Variants in FHIT observed in about 807,000 individuals in gnomAD.
The protein encoded by FHIT is fragile histidine triad diadenosine triphosphatase, also known as bis(5'-adenosyl)-triphosphatase.
Under a neutral mutation model 17.9 loss-of-function variants are expected in FHIT, and 19 were observed. That is an observed-to-expected ratio of 1.06 (90% CI 0.74 to 1.56). The LOEUF is 1.56. Ranked by LOEUF, FHIT falls within the 40% of genes most tolerant of loss-of-function variation. The pLI, the probability that FHIT is intolerant of heterozygous loss-of-function variation, is 0.00. For missense variants in FHIT, 248 were observed against 189.2 expected (o/e 1.31, Z -1.82); for synonymous variants, 81 against 69.7 (o/e 1.16, Z -0.81).
intron 5 of FHIT, among the ~76,000 whole-genome samples, chr3:60,512,020 GAAT>G (rs1027738635): frequency 9.9e-5 from 15 of 152,192 alleles, no homozygotes; most frequent in African/African-American, 3.6e-4. Context: ...CTTCCTTACA[GAAT>G]AATGTCTGTA....
chr3:60,161,454 T>C (rs1479457472), intron 5 of FHIT, among the ~76,000 whole-genome samples: 2 of 152,140 alleles, frequency 1.3e-5, no homozygotes, highest in East Asian at 1.9e-4. Context: ...TTATTAATAG[T>C]GTAATTCACA....
rs564677521 is a variant in FHIT, at chr3:59,963,184, G to T, written c.280-40770C>A. Among the ~76,000 whole-genome samples the T allele has an allele frequency of 2.4e-4, 37 of 152,046 alleles. 1 individual carries two copies. The East Asian group carries it at 7.0e-3, about 29-fold the overall frequency. ...TGGGAGGCTGAGGCAGCAGAATGGC[G>T]TGAACCCAGGAGGTGGAGTTCGCAA... On this transcript the variant is annotated intron_variant, in intron 7 of 9. Coordinates refer to ENST00000492590, the MANE Select transcript of FHIT (RefSeq NM_002012.4).
chr3:60,252,111 A>G (rs1035259347), intron 5 of FHIT, among the ~76,000 whole-genome samples: 18 of 152,222 alleles, frequency 1.2e-4, no homozygotes, highest in African/African-American at 2.7e-4. Flanking sequence ...GATTGCAAGC[A>G]TATTAATGTA....
chr3:60,368,513 T>C (rs1358803867), intron 5 of FHIT, among the ~76,000 whole-genome samples: 1 of 152,212 alleles, frequency 6.6e-6, no homozygotes, highest in Admixed American at 6.5e-5. Flanking sequence ...TGGGTTATTA[T>C]GAAGCATTTT....
intron 3 of FHIT, among the ~76,000 whole-genome samples, chr3:61,026,941 G>C (rs2032764600): frequency 6.6e-6 from 1 of 151,410 alleles, no homozygotes. Context: ...ACCTGCAATT[G>C]GTAAATTTCA....
chr3:60,102,186 A>G, intron 5 of FHIT, among the ~76,000 whole-genome samples: 1 of 152,230 alleles, frequency 6.6e-6, no homozygotes, highest in East Asian at 1.9e-4. Flanking sequence ...GAGTTTAACT[A>G]AATTATAACT....
intron 5 of FHIT, among the ~76,000 whole-genome samples, chr3:60,350,892 C>CA (rs1217642071): frequency 6.6e-6 from 1 of 152,164 alleles, no homozygotes; most frequent in Non-Finnish European, 1.5e-5. Flanking sequence ...ATCTTGCTAG[C>CA]AAACTCACTC....
intron 5 of FHIT, among the ~76,000 whole-genome samples, chr3:60,172,009 G>A (rs1217455064): frequency 6.6e-6 from 1 of 152,094 alleles, no homozygotes; most frequent in Non-Finnish European, 1.5e-5. Flanking sequence ...AACCAATGCT[G>A]AGAACATAAT....
chr3:60,294,052 T>C (rs1708098894), intron 5 of FHIT, among the ~76,000 whole-genome samples: 1 of 152,288 alleles, frequency 6.6e-6, no homozygotes, highest in South Asian at 2.1e-4. Flanking sequence ...ATATTTGTTA[T>C]GAGTCCTTTT....
chr3:59,839,987 C>A (rs994047966), intron 8 of FHIT, among the ~76,000 whole-genome samples: 1 of 152,194 alleles, frequency 6.6e-6, no homozygotes, highest in Non-Finnish European at 1.5e-5. Context: ...TGTTTCACCA[C>A]TGAATCTCAC....
chr3:59,833,434 G>C (rs1453032652), intron 8 of FHIT, among the ~76,000 whole-genome samples: 2 of 152,146 alleles, frequency 1.3e-5, no homozygotes, highest in African/African-American at 2.4e-5. Context: ...GAACATCAAA[G>C]ATCGCTGGCA....
At chr3:61,053,613 G>A (rs756008285) in intron 2 of FHIT, among the ~76,000 whole-genome samples, 10 of 151,902 alleles carry the variant, frequency 6.6e-5, no homozygotes, top group East Asian at 1.9e-4. Flanking sequence ...AGCCTAGATC[G>A]TGCCATTGCA....
chr3:60,691,583 T>C (rs1227231922), intron 4 of FHIT, among the ~76,000 whole-genome samples: 1 of 152,094 alleles, frequency 6.6e-6, no homozygotes, highest in Non-Finnish European at 1.5e-5. Flanking sequence ...CCCAGGCTGG[T>C]CTCAAACTCC....
intron 3 of FHIT, among the ~76,000 whole-genome samples, chr3:60,881,258 T>C (rs1425537084): frequency 6.6e-6 from 1 of 152,222 alleles, no homozygotes; most frequent in African/African-American, 2.4e-5. Context: ...AACAGTTATA[T>C]ATGCATCCAA....
chr3:60,677,634 A>ATGTG (rs10664035), intron 4 of FHIT, among the ~76,000 whole-genome samples: 8 of 151,338 alleles, frequency 5.3e-5, no homozygotes, highest in East Asian at 1.9e-4. Context: ...GTATATGTGT[A>ATGTG]TGTGTGTGTG....
chr3:61,108,858 ATTAAGGTTTCCTC>A (rs1013474592), intron 2 of FHIT, among the ~76,000 whole-genome samples: 1 of 152,200 alleles, frequency 6.6e-6, no homozygotes, highest in African/African-American at 2.4e-5. Flanking sequence ...GGCAGATATG[ATTAAGGTTTCCTC>A]TTTCCTGCTG....
intron 4 of FHIT, among the ~76,000 whole-genome samples, chr3:60,544,010 G>C (rs2107612115): frequency 7.0e-6 from 1 of 143,640 alleles, no homozygotes; most frequent in Non-Finnish European, 1.5e-5. Flanking sequence ...CACCCATCTT[G>C]GCTTCTCAAA....
At chr3:59,983,224 C>G (rs1310798916) in intron 7 of FHIT, among the ~76,000 whole-genome samples, 1 of 152,080 alleles carries the variant, frequency 6.6e-6, no homozygotes, top group Non-Finnish European at 1.5e-5. Context: ...GAGGTATGTG[C>G]CACCACTCCC....
At chr3:61,152,640 G>A (rs2037427167) in intron 2 of FHIT, among the ~76,000 whole-genome samples, 1 of 152,096 alleles carries the variant, frequency 6.6e-6, no homozygotes, top group African/African-American at 2.4e-5. Flanking sequence ...GCAAGGGCTT[G>A]GTCAGGCAAA....
Sources: allele counts gnomAD v4.1 joint callset (sites outside exome capture counted in the v4.1 genomes callset), GRCh38; gene constraint gnomAD v4.1.1; transcripts MANE v1.5; gene names NCBI Gene and HGNC (gene_info 2026-07-23, HGNC 2026-07-21).